The following SPATA22 variants were observed in gnomAD, a reference collection of about 807,000 sequenced individuals.
The protein encoded by SPATA22 is spermatogenesis associated 22, also known as spermatogenesis-associated protein 22.
A neutral mutation model predicts 47.8 loss-of-function variants in SPATA22; 29 were observed. That is an observed-to-expected ratio of 0.61 (90% confidence interval 0.45 to 0.83). SPATA22 has a LOEUF of 0.83. Among genes scored for constraint, SPATA22 ranks in the 40% least tolerant of loss-of-function variants. The probability of loss-of-function intolerance (pLI) is 0.00; values close to 1 mark genes in which losing one functional copy is unlikely to be tolerated. For missense variants in SPATA22, 410 were observed against 421.7 expected (o/e 0.97, Z 0.24); for synonymous variants, 133 against 140.9 (o/e 0.94, Z 0.40).
intron 5 of SPATA22, among the ~76,000 whole-genome samples, chr17:3,462,007 C>T (rs889653372): frequency 1.3e-5 from 2 of 152,140 alleles, no homozygotes; most frequent in South Asian, 4.1e-4. Flanking sequence ...TTCTTGAGCC[C>T]CTACTATTGC....
intron 8 of SPATA22, 99 bp downstream of exon 8, chr17:3,443,075 C>G (rs766441484): frequency 1.2e-6 from 1 of 841,378 alleles, no homozygotes; most frequent in Admixed American, 3.0e-5. Flanking sequence ...GTTAAAAGTA[C>G]TAAATTGTTA....
chr17:3,464,785 A>G (rs2073240711), intron 3 of SPATA22, among the ~76,000 whole-genome samples: 1 of 122,630 alleles, frequency 8.2e-6, no homozygotes, highest in Non-Finnish European at 1.7e-5. Flanking sequence ...TCCGCCCGGC[A>G]GCCGCCCCGT....
intron 5 of SPATA22, among the ~76,000 whole-genome samples, chr17:3,455,944 A>G (rs1382275148): frequency 3.9e-5 from 6 of 152,226 alleles, no homozygotes; most frequent in African/African-American, 1.4e-4. Flanking sequence ...ATGTTCTTCC[A>G]TTTGTTTGTA....
intron 5 of SPATA22, among the ~76,000 whole-genome samples, chr17:3,453,365 A>G (rs1438951556): frequency 6.6e-6 from 1 of 152,222 alleles, no homozygotes; most frequent in Non-Finnish European, 1.5e-5. Context: ...TTGGTTTAAC[A>G]TACGCAAATC....
chr17:3,473,647 C>T (rs928380637), upstream of SPATA22, among the ~76,000 whole-genome samples: 1 of 152,092 alleles, frequency 6.6e-6, no homozygotes, highest in Non-Finnish European at 1.5e-5. Context: ...TACAGGCACC[C>T]GCCACCACGC....
At position 3,448,821 on chromosome 17, in the gene SPATA22, C is replaced by A. The variant is rs377023389; in HGVS notation, c.658G>T (p.Asp220Tyr). The A allele has an allele frequency of 1.0e-5, 16 of 1,604,286 alleles. No homozygotes were observed. The highest frequency in any genetic ancestry group is 1.2e-5 in the Non-Finnish European group (14 of 1,174,494). The change falls in exon 6 of 9, where the codon GAC becomes TAC. Residue 220 changes from aspartate (D) to tyrosine (Y), a missense_variant. By Grantham distance (160) the Asp-to-Tyr change is radical. Transcript: ENST00000572969. ...TAAACATTTACCTTCAGGGTGTTGT[C>A]TTCTGGAATATCATCCAACATTTGT... is the stretch of plus-strand genomic sequence containing the variant. ...KKQMLDDIPE[D>Y]NTLKETSLYQ...
chr17:3,471,903 C>A (rs2073447969), upstream of SPATA22: 2 of 976,922 alleles, frequency 2.0e-6, no homozygotes, highest in Non-Finnish European at 2.4e-6. Context: ...TGCCTGGCCG[C>A]CCTTGGCCGG....
intron 1 of SPATA22, among the ~76,000 whole-genome samples, chr17:3,493,560 CA>C (rs746229421): frequency 4.2e-3 from 239 of 56,374 alleles, no homozygotes; most frequent in African/African-American, 0.016. Flanking sequence ...GGTTCCATCT[CA>C]AAAAAAAAAA....
At chr17:3,462,862 T>C (rs868441526) in intron 3 of SPATA22, 95 bp from the exon 4 acceptor site, 1 of 1,046,076 alleles carries the variant, frequency 9.6e-7, no homozygotes, top group East Asian at 2.5e-5. Flanking sequence ...GTTTAAAAAC[T>C]TGAAGAAGAA....
upstream of SPATA22, chr17:3,476,486 A>G: frequency 8.4e-7 from 1 of 1,189,400 alleles, no homozygotes; most frequent in Non-Finnish European, 1.2e-6. Context: ...TATGCAGATG[A>G]TAATTCATGT....
intron 1 of SPATA22, chr17:3,481,737 G>T: frequency 6.2e-7 from 1 of 1,613,542 alleles, no homozygotes; most frequent in Non-Finnish European, 8.5e-7. Flanking sequence ...AACATGGGGT[G>T]CACTCTTATT....
In SPATA22 at chr17:3,450,484, T is replaced by G. The variant is rs556894032; in HGVS notation, c.330-1335A>C. Among the ~76,000 whole-genome samples, 3 of 152,320 alleles carry G rather than the reference T, an allele frequency of 2.0e-5. No individual in the cohort carries two copies. The East Asian group carries it at 5.8e-4, about 29-fold the overall frequency. On this transcript the variant is annotated intron_variant, in intron 5 of 8. Coordinates refer to ENST00000572969, the MANE Select transcript of SPATA22 (RefSeq NM_001170698.2). ...CCTGATACTCCTTTATAGAAATTTT[T>G]TCCTACACTGATCACTTCTTCATAC...
chr17:3,463,939 C>CCCTCTGCCTCTA (rs1458328253), intron 3 of SPATA22, among the ~76,000 whole-genome samples: 2 of 79,968 alleles, frequency 2.5e-5, no homozygotes. Context: ...CTCTCCCTCT[C>CCCTCTGCCTCTA]CCTCTCCCTC....
chr17:3,446,741 C>G, intron 6 of SPATA22, 140 bp from the exon 7 acceptor site: 2 of 681,436 alleles, frequency 2.9e-6, no homozygotes, highest in East Asian at 3.1e-5. Context: ...AGTATAGTTA[C>G]TTCCCTAAAA....
upstream of SPATA22, chr17:3,475,765 A>T (rs1199945945): frequency 4.9e-6 from 1 of 202,546 alleles, no homozygotes; most frequent in African/African-American, 2.3e-5. Flanking sequence ...AACTATTTTT[A>T]TTATTACAGA....
intron 3 of SPATA22, among the ~76,000 whole-genome samples, chr17:3,463,977 C>T (rs2073202929): frequency 8.1e-6 from 1 of 123,746 alleles, no homozygotes; most frequent in Non-Finnish European, 1.7e-5. Context: ...CTCCCTCTCC[C>T]TCTCCCCACG....
rs76309814 is a variant in SPATA22, at chr17:3,503,608, G to A, written c.-74+9804C>T. Among the ~76,000 whole-genome samples the A allele has an allele frequency of 1.6e-3, 248 of 152,232 alleles. 6 individuals carry two copies. The East Asian group carries it at 0.036, about 22-fold the overall frequency. ...TTTACAGTGTACAATTTATATCACT[G>A]TGGTTTCAGTGGGTTTCAGGGTTGA... On this transcript the variant is annotated intron_variant, in intron 1 of 8. Coordinates refer to the SPATA22 transcript ENST00000541913.
At chr17:3,494,177 G>A (rs907175709) in intron 1 of SPATA22, among the ~76,000 whole-genome samples, 5 of 151,844 alleles carry the variant, frequency 3.3e-5, no homozygotes. Context: ...CCCAACCTGG[G>A]TATTTTTAGT....
At chr17:3,481,574 G>A (rs747073729) in intron 1 of SPATA22, 1 of 1,588,580 alleles carries the variant, frequency 6.3e-7, no homozygotes, top group South Asian at 1.1e-5. Flanking sequence ...CACAGATGTT[G>A]TTCATCTTTT....
Sources: allele counts gnomAD v4.1 joint callset (sites outside exome capture counted in the v4.1 genomes callset), GRCh38; gene constraint gnomAD v4.1.1; transcripts MANE v1.5; gene names NCBI Gene and HGNC (gene_info 2026-07-23, HGNC 2026-07-21).